The following TENM4 variants were observed in gnomAD, a reference collection of about 807,000 sequenced individuals.
TENM4 encodes teneurin-4.
Under a neutral mutation model 243.3 loss-of-function variants are expected in TENM4, and 82 were observed. The ratio of observed to expected loss-of-function variants is 0.34; its 90% CI spans 0.28 to 0.40. The LOEUF (loss-of-function observed/expected upper bound fraction) is 0.40, where lower values mean the gene tolerates loss of function less well. TENM4 is among the 10% of genes least tolerant of loss of function. TENM4 has a pLI of 1.00. For synonymous variants in TENM4, 1,412 were observed against 1,456.3 expected, an observed-to-expected ratio of 0.97 and a Z score of 0.69; for missense variants, 3,138 against 3,673.3, an observed-to-expected ratio of 0.85 and a Z score of 3.77.
chr11:78,840,994 G>A (rs540105623), intron 12 of TENM4, among the ~76,000 whole-genome samples: 1 of 152,296 alleles, frequency 6.6e-6, no homozygotes, highest in South Asian at 2.1e-4. Flanking sequence ...GGTAATGCAG[G>A]TATAACACTT....
intron 18 of TENM4, among the ~76,000 whole-genome samples, chr11:78,761,518 C>A (rs11826654): frequency 6.6e-6 from 1 of 151,774 alleles, no homozygotes; most frequent in Non-Finnish European, 1.5e-5. Flanking sequence ...GGATTACAGG[C>A]GTGAGCCACT....
intron 8 of TENM4, 25 bp from the exon 9 acceptor site, chr11:78,890,045 G>T (rs372547150): frequency 4.2e-5 from 63 of 1,509,790 alleles, no homozygotes; most frequent in South Asian, 1.7e-4. Flanking sequence ...CAGCAAGAGG[G>T]TGTCAGGGGC....
chr11:78,827,388 C>A, intron 12 of TENM4, among the ~76,000 whole-genome samples: 1 of 152,180 alleles, frequency 6.6e-6, no homozygotes, highest in Non-Finnish European at 1.5e-5. Context: ...GCCTCCCTGA[C>A]TGAGCCCACT....
At chr11:78,998,867 C>A (rs1858243061) in intron 6 of TENM4, among the ~76,000 whole-genome samples, 1 of 152,140 alleles carries the variant, frequency 6.6e-6, no homozygotes, top group Non-Finnish European at 1.5e-5. Flanking sequence ...CAGAGAGGTT[C>A]CAGACCATTC....
At chr11:79,059,086 A>G (rs1860019861) in intron 6 of TENM4, among the ~76,000 whole-genome samples, 1 of 152,188 alleles carries the variant, frequency 6.6e-6, no homozygotes, top group Admixed American at 6.5e-5. Flanking sequence ...CTGACTCTGA[A>G]TGAGCAATTT....
chr11:78,811,244 T>C (rs1280222528), intron 14 of TENM4, among the ~76,000 whole-genome samples: 1 of 152,102 alleles, frequency 6.6e-6, no homozygotes, highest in Non-Finnish European at 1.5e-5. Flanking sequence ...TTACATTGCT[T>C]GCGAATAAGG....
chr11:78,995,077 A>G (rs1021616444), intron 6 of TENM4, among the ~76,000 whole-genome samples: 20 of 152,212 alleles, frequency 1.3e-4, no homozygotes, highest in African/African-American at 3.4e-4. Flanking sequence ...AGGGAGATGG[A>G]CTTGGAAGTC....
intron 12 of TENM4, among the ~76,000 whole-genome samples, chr11:78,839,781 T>A (rs974639224): frequency 1.3e-5 from 2 of 152,248 alleles, no homozygotes; most frequent in Non-Finnish European, 2.9e-5. Context: ...TGTTTCTTTT[T>A]CTGTCTTTCG....
intron 6 of TENM4, among the ~76,000 whole-genome samples, chr11:78,963,048 C>G (rs1321632025): frequency 6.6e-6 from 1 of 152,250 alleles, no homozygotes; most frequent in East Asian, 1.9e-4. Context: ...CAGAATCTAA[C>G]ATAATGCCTG....
chr11:78,742,604 G>C (rs1328822408), intron 19 of TENM4, among the ~76,000 whole-genome samples: 1 of 152,180 alleles, frequency 6.6e-6, no homozygotes, highest in Non-Finnish European at 1.5e-5. Flanking sequence ...CAAGCAGTTA[G>C]GCTAGGTGAA....
intron 2 of TENM4, among the ~76,000 whole-genome samples, chr11:79,278,293 G>A (rs1278919690): frequency 6.6e-6 from 1 of 152,224 alleles, no homozygotes; most frequent in African/African-American, 2.4e-5. Flanking sequence ...AGCTGATTGA[G>A]TCTAGAAACA....
intron 4 of TENM4, among the ~76,000 whole-genome samples, chr11:79,098,198 T>C (rs933765024): frequency 2.7e-5 from 4 of 149,772 alleles, no homozygotes; most frequent in South Asian, 2.1e-4. Flanking sequence ...AAACCCTGCA[T>C]GCGGGTCTCT....
intron 1 of TENM4, among the ~76,000 whole-genome samples, chr11:79,301,129 C>T (rs1301594194): frequency 6.6e-6 from 1 of 152,190 alleles, no homozygotes; most frequent in East Asian, 1.9e-4. Flanking sequence ...AATTCTCTCA[C>T]CACCTGAAGC....
intron 2 of TENM4, among the ~76,000 whole-genome samples, chr11:79,288,352 C>T (rs975815518): frequency 1.3e-5 from 2 of 152,234 alleles, no homozygotes; most frequent in African/African-American, 4.8e-5. Context: ...GTGCCTAGCA[C>T]TCTATACTCT....
At chr11:79,059,192 C>T (rs1432896253) in intron 6 of TENM4, among the ~76,000 whole-genome samples, 1 of 152,154 alleles carries the variant, frequency 6.6e-6, no homozygotes, top group Non-Finnish European at 1.5e-5. Context: ...TCATTGTTTC[C>T]TTTCAAAGTA....
At chr11:79,136,943 G>A (rs1257671338) in intron 4 of TENM4, among the ~76,000 whole-genome samples, 1 of 152,094 alleles carries the variant, frequency 6.6e-6, no homozygotes, top group Non-Finnish European at 1.5e-5. Flanking sequence ...GCAGGGCTGG[G>A]GCAAAGTTCT....
intron 2 of TENM4, among the ~76,000 whole-genome samples, chr11:79,235,173 C>T (rs1018655020): frequency 1.1e-4 from 17 of 152,018 alleles, no homozygotes; most frequent in Non-Finnish European, 1.9e-4. Flanking sequence ...ATTAGCCAGG[C>T]GTGGTGGTGT....
chr11:79,338,645 A>G (rs1857191930), intron 1 of TENM4, among the ~76,000 whole-genome samples: 1 of 152,180 alleles, frequency 6.6e-6, no homozygotes. Context: ...AAACTATCCT[A>G]AATAGAGTAT....
chr11:78,865,481 C>G (rs564317233), intron 9 of TENM4, among the ~76,000 whole-genome samples: 7 of 152,178 alleles, frequency 4.6e-5, no homozygotes, highest in Admixed American at 4.6e-4. Flanking sequence ...ATCAAACAGC[C>G]TCCAAGGCTT....
Sources: allele counts gnomAD v4.1 joint callset (sites outside exome capture counted in the v4.1 genomes callset), GRCh38; gene constraint gnomAD v4.1.1; transcripts MANE v1.5; gene names NCBI Gene and HGNC (gene_info 2026-07-23, HGNC 2026-07-21).